The following POP1 variants were observed in gnomAD, a reference collection of about 807,000 sequenced individuals.
POP1 encodes the protein ribonucleases P/MRP protein subunit POP1.
In POP1, 75 loss-of-function variants were observed where a neutral mutation model predicts 102.2. That is an observed-to-expected ratio of 0.73 (90% CI 0.61 to 0.89). POP1 has a LOEUF of 0.89. POP1 is among the 40% of genes least tolerant of loss of function. The pLI, the probability that POP1 is intolerant of heterozygous loss-of-function variation, is 0.00. For synonymous variants in POP1, 436 were observed against 464.1 expected (o/e 0.94, Z 0.78); for missense variants, 1,116 against 1,267.4 (o/e 0.88, Z 1.81).
chr8:98,127,861 C>A, intron 3 of POP1, 99 bp downstream of exon 3: 1 of 1,273,102 alleles, frequency 7.9e-7, no homozygotes, highest in Non-Finnish European at 1.1e-6. Flanking sequence ...TCTGCCTCCC[C>A]TACCTCTCCT....
At chr8:98,149,823 G>C (rs1809474073) in intron 13 of POP1, among the ~76,000 whole-genome samples, 1 of 152,034 alleles carries the variant, frequency 6.6e-6, no homozygotes, top group African/African-American at 2.4e-5. Flanking sequence ...CGATTCTAGA[G>C]AGTGTAAAAG....
chr8:98,126,225 T>C (rs1816201644), intron 2 of POP1, among the ~76,000 whole-genome samples: 1 of 152,114 alleles, frequency 6.6e-6, no homozygotes, highest in Non-Finnish European at 1.5e-5. Context: ...GATAAAAGAC[T>C]GTACACAATC....
At chr8:98,154,167 A>G (rs946564718) in intron 14 of POP1, among the ~76,000 whole-genome samples, 1 of 152,216 alleles carries the variant, frequency 6.6e-6, no homozygotes, top group African/African-American at 2.4e-5. Context: ...TAAGATGTAG[A>G]GGGCACCTAC....
rs1816095095 is a variant in POP1, at chr8:98,123,460, T to C, written c.123T>C (p.Pro41=). 1 of 1,613,720 alleles carries C rather than the reference T, an allele frequency of 6.2e-7. No individual in the cohort carries two copies. Among genetic ancestry groups the C allele is most frequent in the Non-Finnish European group, 8.5e-7 (1 of 1,179,830 alleles). ...AGCACCACAGTGGAGGTGAAAAACC[T>C]TTCCAAGCTCAAAAACAAGGTAAAA... ...GVKHHSGGEK[P]FQAQKQEPHP... Residue 41 remains proline (P), a synonymous_variant, in exon 2 of 16, where the codon CCT becomes CCC. Transcript: ENST00000401707.
intron 11 of POP1, 111 bp from the exon 12 acceptor site, chr8:98,146,457 T>G (rs1210765356): frequency 1.2e-6 from 1 of 808,562 alleles, no homozygotes; most frequent in Non-Finnish European, 2.2e-6. Context: ...CTAAGTTAAG[T>G]AAATGCCTAT....
chr8:98,154,576 T>G (rs2130633102), intron 14 of POP1, among the ~76,000 whole-genome samples: 1 of 152,114 alleles, frequency 6.6e-6, no homozygotes, highest in South Asian at 2.1e-4. Flanking sequence ...AAGTAAGACA[T>G]GCGAAGTGAG....
intron 11 of POP1, 40 bp downstream of exon 11, chr8:98,140,928 C>T (rs762573662): frequency 3.6e-5 from 58 of 1,605,738 alleles, no homozygotes; most frequent in Middle Eastern, 1.6e-4. Context: ...CTTACTATTT[C>T]GAGCAGTCCA....
chr8:98,144,949 G>A (rs989907418), intron 11 of POP1, among the ~76,000 whole-genome samples: 12 of 152,014 alleles, frequency 7.9e-5, no homozygotes, highest in South Asian at 6.2e-4. Context: ...GTGGAGTGGC[G>A]CGATCTCAGC....
chr8:98,144,394 G>A (rs1010433438), intron 11 of POP1, among the ~76,000 whole-genome samples: 4 of 151,928 alleles, frequency 2.6e-5, no homozygotes, highest in African/African-American at 7.3e-5. Context: ...TCCCACCGCA[G>A]CCCCCCAAAT....
chr8:98,127,077 A>C (rs895345935), intron 2 of POP1, among the ~76,000 whole-genome samples: 1 of 152,128 alleles, frequency 6.6e-6, no homozygotes, highest in Non-Finnish European at 1.5e-5. Flanking sequence ...GTTCATATAC[A>C]GCACCTTTTC....
chr8:98,140,831 C>G lies in POP1; in HGVS notation c.1537C>G (p.Arg513Gly). Residue 513 changes from arginine (R) to glycine (G), a missense_variant, in exon 11 of 16, where the codon CGA (arginine) becomes GGA (glycine). Coordinates refer to ENST00000401707, the MANE Select transcript of POP1 (RefSeq NM_001145860.2). ...TCTGGGACTGACAGTTGGGGATCCT[C>G]GAATAAATTTGCCCCAAAAGAAGTC... ...TILGLTVGDP[R>G]INLPQKKSKA... 6.2e-7 allele frequency: 1 copy of G among 1,613,896 alleles called. No homozygotes were observed. The highest frequency in any genetic ancestry group is 8.5e-7 in the Non-Finnish European group (1 of 1,179,806).
rs1563787752 is a variant in POP1, at chr8:98,157,595, G to GT, written c.2421-21dup. ...TTTCTGGAACAAAATATCCTCAAAC[G>GT]TATGTCTCCAACTTCATGTAGGAGT... On this transcript the variant is annotated intron_variant, in intron 15 of 15. Transcript: ENST00000401707. 9.9e-6 allele frequency: 16 copies of GT among 1,613,192 alleles called. 1 individual carries two copies. In the South Asian group the frequency reaches 1.5e-4, roughly 16 times the overall value.
intron 5 of POP1, among the ~76,000 whole-genome samples, chr8:98,132,017 C>T (rs1816396554): frequency 6.6e-6 from 1 of 152,206 alleles, no homozygotes; most frequent in Non-Finnish European, 1.5e-5. Context: ...GCTTTTTCCA[C>T]TGTCCTCTGC....
In POP1 at chr8:98,123,447, G is replaced by T; in HGVS notation, c.110G>T (p.Gly37Val). ...VADRGVKHHS[G>V]GEKPFQAQKQ... ...GACAGAGGTGTAAAGCACCACAGTGGAGGTGAAAAACCTTTCCAAGCTCAA... is the reference window on the plus strand; with the variant it reads ...GACAGAGGTGTAAAGCACCACAGTGTAGGTGAAAAACCTTTCCAAGCTCAA... The change falls in exon 2 of 16, where the codon GGA (glycine) becomes GTA (valine). Residue 37 changes from glycine (G) to valine (V), a missense_variant. By Grantham distance (109) the Gly-to-Val change is moderately radical (BLOSUM62 -3). Coordinates refer to ENST00000401707, the MANE Select transcript of POP1 (RefSeq NM_001145860.2). 1.9e-6 allele frequency: 3 copies of T among 1,614,050 alleles called. No individual in the cohort carries two copies. Among genetic ancestry groups the T allele is most frequent in the Non-Finnish European group, 2.5e-6 (3 of 1,179,952 alleles).
chr8:98,136,222 A>G (rs1816535705), intron 7 of POP1, among the ~76,000 whole-genome samples: 1 of 151,926 alleles, frequency 6.6e-6, no homozygotes, highest in Non-Finnish European at 1.5e-5. Flanking sequence ...CTGAGATTAT[A>G]GGTGCCTGCC....
In POP1 at chr8:98,148,985, C is replaced by T. The variant is rs565251690; in HGVS notation, c.1881C>T (p.Gly627=). The T allele has an allele frequency of 3.1e-6, 5 of 1,613,200 alleles. No homozygotes were observed. In the African/African-American group the frequency reaches 6.7e-5, roughly 22 times the overall value. Residue 627 remains glycine (G), a synonymous_variant, in exon 13 of 16, where the codon GGC becomes GGT. Transcript: ENST00000401707. ...GWDVLLPKGW[G]MAFWIPFIYR... is the part of the protein sequence containing the mutation. ...ATGTCCTACTCCCAAAGGGCTGGGG[C>T]ATGGCTTTCTGGATTCCATTTGTAA...
intron 1 of POP1, among the ~76,000 whole-genome samples, chr8:98,120,660 T>G (rs1317948223): frequency 3.4e-5 from 5 of 145,370 alleles, no homozygotes; most frequent in Non-Finnish European, 7.6e-5. Flanking sequence ...TTTTTTTTTT[T>G]TCTTGAGACG....
intron 7 of POP1, among the ~76,000 whole-genome samples, 180 bp from the exon 8 acceptor site, chr8:98,136,302 C>T (rs1205674670): frequency 6.6e-6 from 1 of 151,666 alleles, no homozygotes; most frequent in East Asian, 1.9e-4. Flanking sequence ...GCTCGAACTC[C>T]TGATCTCAGG....
chr8:98,150,339 A>T, intron 13 of POP1, 146 bp from the exon 14 acceptor site: 1 of 830,856 alleles, frequency 1.2e-6, no homozygotes, highest in Non-Finnish European at 1.9e-6. Context: ...ATTCATTTTT[A>T]CTATTGCATG....
Sources: gnomAD v4.1 joint callset for allele counts (sites outside exome capture counted in the v4.1 genomes callset) on GRCh38, gnomAD v4.1.1 for gene constraint, MANE v1.5 for transcripts, NCBI Gene and HGNC (gene_info 2026-07-23, HGNC 2026-07-21) for gene names.